GPRC6A: variants seen among roughly 807,000 people sequenced by gnomAD.
The protein encoded by GPRC6A is G protein-coupled receptor family C group 6 member A.
A neutral mutation model predicts 47.0 loss-of-function variants in GPRC6A; 54 were observed. The ratio of observed to expected loss-of-function variants is 1.15; its 90% CI spans 0.92 to 1.44. GPRC6A has a LOEUF of 1.44. Ranked by LOEUF, GPRC6A falls within the 40% of genes most tolerant of loss-of-function variation. The pLI is 0.00. For synonymous variants in GPRC6A, 347 were observed against 377.1 expected (o/e 0.92, Z 0.93); for missense variants, 1,112 against 1,105.5 (o/e 1.01, Z -0.08).
At chr6:116,797,835 T>C (rs953432689) in intron 4 of GPRC6A, among the ~76,000 whole-genome samples, 15 of 152,178 alleles carry the variant, frequency 9.9e-5, no homozygotes, top group African/African-American at 2.9e-4. Context: ...GTGAGGATAA[T>C]GGTAAGGAAA....
At chr6:116,818,309 C>T (rs908484456) in intron 1 of GPRC6A, among the ~76,000 whole-genome samples, 256 of 148,828 alleles carry the variant, frequency 1.7e-3, no homozygotes, top group South Asian at 2.8e-3. Flanking sequence ...CCGAGGCGGG[C>T]GGATCACGAG....
In GPRC6A at chr6:116,792,097, C is replaced by A; in HGVS notation, c.*45G>T. ...AAATTTATATCTTAGATGCAAAGAC[C>A]CTGGAAACATTTTATTCTGGAATGT... On this transcript the variant is annotated 3_prime_UTR_variant, in exon 6 of 6. Coordinates refer to ENST00000310357, the MANE Select transcript of GPRC6A (RefSeq NM_148963.4). 3 of 1,504,720 alleles carry A rather than the reference C, an allele frequency of 2.0e-6. No homozygotes were observed. The South Asian group carries it at 3.9e-5, about 19-fold the overall frequency. 93.2% of individuals were successfully genotyped at this position (1,504,720 alleles called of 1,614,324 possible).
Position 116,792,380 on chromosome 6 carries a change from G to T in GPRC6A, c.2543C>A (p.Ala848Asp), listed in dbSNP as rs1179183332. 7.4e-6 allele frequency: 12 copies of T among 1,614,028 alleles called. No individual in the cohort carries two copies. Among genetic ancestry groups the T allele is most frequent in the Non-Finnish European group, 7.6e-6 (9 of 1,179,926 alleles). Residue 848 changes from alanine (A) to aspartate (D), a missense_variant, in exon 6 of 6, where the codon GCC becomes GAC. By Grantham distance (126) the Ala-to-Asp change is moderately radical (BLOSUM62 -2). Transcript: ENST00000310357. Reference protein sequence around the residue: ...ICKQEINTKSAFLKMIYSYSS... With the variant: ...ICKQEINTKSDFLKMIYSYSS... ...ATAACTGTAGATCATCTTGAGAAAG[G>T]CAGACTTTGTGTTAATCTCTTGCTT...
In GPRC6A at chr6:116,807,747, A is replaced by G. The variant is rs142141462; in HGVS notation, c.499-541T>C. Among the ~76,000 whole-genome samples, 468 of 152,250 alleles carry G rather than the reference A, an allele frequency of 3.1e-3. 4 individuals are homozygous for G. Among genetic ancestry groups the G allele is most frequent in the Middle Eastern group, 0.017 (5 of 294 alleles). ...CTGTCATATCTATTTTTTTGTTACA[A>G]CCTTTTAGAAATGTAAAAACTATTT... On this transcript the variant is annotated intron_variant, in intron 2 of 5. Transcript: ENST00000310357.
At chr6:116,825,139 G>A (rs1212868720) in intron 1 of GPRC6A, among the ~76,000 whole-genome samples, 1 of 151,940 alleles carries the variant, frequency 6.6e-6, no homozygotes, top group Non-Finnish European at 1.5e-5. Flanking sequence ...CATACCAACT[G>A]GGGAAAGTGG....
intron 3 of GPRC6A, among the ~76,000 whole-genome samples, chr6:116,803,161 GCTCT>G (rs1772730065): frequency 6.6e-6 from 1 of 151,938 alleles, no homozygotes; most frequent in Admixed American, 6.6e-5. Context: ...CATTTTTGAT[GCTCT>G]CTGTCATCAT....
rs769293613 is a variant in GPRC6A, at chr6:116,795,743, G to T, written c.1641C>A (p.Asn547Lys). The T allele has an allele frequency of 1.9e-6, 3 of 1,611,076 alleles. No individual in the cohort carries two copies. In the South Asian group the frequency reaches 3.3e-5, roughly 18 times the overall value. The change falls in exon 5 of 6, where the codon AAC becomes AAA. Residue 547 changes from asparagine to lysine, a missense_variant. Transcript: ENST00000310357. ...SQHICCYECQ[N>K]CPENHYTNQT... is the part of the protein sequence containing the mutation. ...GATTAGTGTAATGATTTTCAGGACA[G>T]TTCTGACATTCATAGCAACAGATGT...
intron 4 of GPRC6A, among the ~76,000 whole-genome samples, chr6:116,798,135 T>G (rs1404795176): frequency 6.6e-6 from 1 of 152,146 alleles, no homozygotes; most frequent in South Asian, 2.1e-4. Context: ...AGAGTTAAAA[T>G]AAGCAAAATG....
intron 1 of GPRC6A, among the ~76,000 whole-genome samples, chr6:116,816,695 C>T (rs945845053): frequency 5.5e-4 from 84 of 152,324 alleles, no homozygotes; most frequent in Admixed American, 5.9e-4. Flanking sequence ...GTGCGCGAAC[C>T]GAAGCAGGGC....
At chr6:116,828,747 CA>C in intron 1 of GPRC6A, 72 bp downstream of exon 1, 1 of 1,203,846 alleles carries the variant, frequency 8.3e-7, no homozygotes, top group South Asian at 1.7e-5. Context: ...GATATTAATA[CA>C]AGTTAACAGT....
At chr6:116,821,334 T>G (rs1464329486) in intron 1 of GPRC6A, among the ~76,000 whole-genome samples, 1 of 152,104 alleles carries the variant, frequency 6.6e-6, no homozygotes. Flanking sequence ...ACCAATGCCT[T>G]TCTTCACAGA....
At chr6:116,805,859 T>C (rs534414573) in intron 3 of GPRC6A, among the ~76,000 whole-genome samples, 1 of 152,162 alleles carries the variant, frequency 6.6e-6, no homozygotes, top group African/African-American at 2.4e-5. Flanking sequence ...ATTTATTTAC[T>C]CTACCTCCAT....
chr6:116,809,527 C>A lies in GPRC6A; in HGVS notation c.285G>T (p.Leu95=). The A allele has an allele frequency of 6.2e-7, 1 of 1,612,606 alleles. No homozygotes were observed. Among genetic ancestry groups the A allele is most frequent in the Non-Finnish European group, 8.5e-7 (1 of 1,178,810 alleles). The part of the protein sequence containing the change: ...NNSTLLPGVK[L]GYEIYDTCTE... ...TACAAGTGTCATAGATTTCATACCC[C>A]AGTTTGACTCCAGGTAAGAGTGTTG... Residue 95 remains leucine, a synonymous_variant, in exon 2 of 6, where the codon CTG becomes CTT. Coordinates refer to ENST00000310357, the MANE Select transcript of GPRC6A (RefSeq NM_148963.4).
chr6:116,821,833 T>C (rs1773493977), intron 1 of GPRC6A, among the ~76,000 whole-genome samples: 2 of 150,982 alleles, frequency 1.3e-5, no homozygotes, highest in Admixed American at 6.6e-5. Context: ...CCAAAAGCAA[T>C]GGCAACAAAA....
At chr6:116,818,775 G>T (rs1317170588) in intron 1 of GPRC6A, among the ~76,000 whole-genome samples, 4 of 151,254 alleles carry the variant, frequency 2.6e-5, no homozygotes, top group Non-Finnish European at 5.9e-5. Context: ...AAAGACCATC[G>T]AGACTAGGAA....
chr6:116,823,845 C>T (rs1238179062), intron 1 of GPRC6A, among the ~76,000 whole-genome samples: 1 of 151,946 alleles, frequency 6.6e-6, no homozygotes, highest in East Asian at 1.9e-4. Context: ...CTTACATGGC[C>T]AGATTAGGAG....
chr6:116,826,624 C>A (rs1582484833), intron 1 of GPRC6A, among the ~76,000 whole-genome samples: 1 of 151,838 alleles, frequency 6.6e-6, no homozygotes, highest in Non-Finnish European at 1.5e-5. Flanking sequence ...TTAGTACAAC[C>A]CCTATGGGAA....
intron 1 of GPRC6A, among the ~76,000 whole-genome samples, chr6:116,818,872 G>A (rs1773348460): frequency 6.6e-6 from 1 of 151,902 alleles, no homozygotes; most frequent in Admixed American, 6.6e-5. Context: ...AACTTTAAAT[G>A]TAAATGGACT....
intron 5 of GPRC6A, 26 bp downstream of exon 5, chr6:116,795,686 G>T: frequency 6.4e-7 from 1 of 1,560,334 alleles, no homozygotes; most frequent in Admixed American, 1.8e-5. Flanking sequence ...GAATGATTCA[G>T]GTGTATGTGG....
Sources: gnomAD v4.1 joint callset for allele counts (sites outside exome capture counted in the v4.1 genomes callset) on GRCh38, gnomAD v4.1.1 for gene constraint, MANE v1.5 for transcripts, NCBI Gene and HGNC (gene_info 2026-07-23, HGNC 2026-07-21) for gene names.